The following SENP7 variants were observed in gnomAD, a reference collection of about 807,000 sequenced individuals.
SENP7 encodes the protein SUMO specific peptidase 7, also known as sentrin-specific protease 7.
SENP7 carries 64 observed loss-of-function variants against 141.2 expected under a neutral mutation model. The observed-to-expected ratio is 0.45, with a 90% CI of 0.37 to 0.56. SENP7 has a LOEUF of 0.56. Among genes scored for constraint, SENP7 ranks in the 20% least tolerant of loss-of-function variants. The probability of loss-of-function intolerance (pLI) is 0.00; values close to 1 mark genes in which losing one functional copy is unlikely to be tolerated. For synonymous variants in SENP7, 382 were observed against 426.4 expected (o/e 0.90, Z 1.28); for missense variants, 1,025 against 1,212.2 (o/e 0.85, Z 2.29).
intron 3 of SENP7, among the ~76,000 whole-genome samples, chr3:101,474,134 A>G (rs1309880080): frequency 6.6e-6 from 1 of 152,162 alleles, no homozygotes; most frequent in Admixed American, 6.6e-5. Flanking sequence ...TGATGCCTCC[A>G]GCTTTGTTCT....
intron 19 of SENP7, among the ~76,000 whole-genome samples, chr3:101,331,013 T>G (rs2059033791): frequency 6.6e-6 from 1 of 152,154 alleles, no homozygotes; most frequent in Non-Finnish European, 1.5e-5. Context: ...CTAGCCAAAT[T>G]AATGGAGTCT....
intron 6 of SENP7, among the ~76,000 whole-genome samples, chr3:101,377,259 T>C (rs1436479817): frequency 2.6e-5 from 4 of 152,146 alleles, no homozygotes; most frequent in East Asian, 3.9e-4. Context: ...CAACTCTTCC[T>C]GGACGTGACA....
rs1209967156 is a variant in SENP7 at position 101,446,840 on chromosome 3, A to G, written c.284+12115T>C. Among the ~76,000 whole-genome samples, 5 of 152,198 alleles carry G rather than the reference A, an allele frequency of 3.3e-5. No homozygotes were observed. In the East Asian group the frequency reaches 7.7e-4, roughly 23 times the overall value. ...TTATTTCAAATAAAAAGTGGTTACA[A>G]TGAACCTCAATGGACTAGAAAAGCA... is the stretch of plus-strand genomic sequence containing the variant. On this transcript the variant is annotated intron_variant, in intron 4 of 23. Transcript: ENST00000394095.
In SENP7 at chr3:101,327,269, T is replaced by C. The variant is rs1363309378; in HGVS notation, c.3015+397A>G. ...GCCCCGACCCAAATCTCATCTTGAA[T>C]TGTAGTTCCTATAATCCCCACTGTG... On this transcript the variant is annotated intron_variant, in intron 23 of 23. Coordinates refer to ENST00000394095, the MANE Select transcript of SENP7 (RefSeq NM_020654.5). Among the ~76,000 whole-genome samples the C allele has an allele frequency of 6.6e-5, 10 of 152,084 alleles. No homozygotes were observed. The East Asian group carries it at 1.2e-3, about 18-fold the overall frequency.
chr3:101,490,635 C>T (rs2064928511), intron 3 of SENP7, among the ~76,000 whole-genome samples: 1 of 152,048 alleles, frequency 6.6e-6, no homozygotes, highest in Non-Finnish European at 1.5e-5. Flanking sequence ...ATATGTTACT[C>T]TAGTCAGAGC....
intron 13 of SENP7, among the ~76,000 whole-genome samples, chr3:101,346,771 G>T (rs572938918): frequency 5.3e-5 from 8 of 151,772 alleles, no homozygotes; most frequent in Non-Finnish European, 8.8e-5. Context: ...GGGTAGGAAG[G>T]GGGTGAGGGA....
At chr3:101,415,328 TGA>T (rs1424635819) in intron 5 of SENP7, among the ~76,000 whole-genome samples, 1 of 152,180 alleles carries the variant, frequency 6.6e-6, no homozygotes, top group East Asian at 1.9e-4. Context: ...TGCAAAAACA[TGA>T]GAGGCGAGGA....
intron 6 of SENP7, among the ~76,000 whole-genome samples, chr3:101,390,182 T>C (rs1161569480): frequency 7.4e-6 from 1 of 134,552 alleles, no homozygotes; most frequent in Non-Finnish European, 1.5e-5. Context: ...ATTGTGCCAC[T>C]GCACTCTAGC....
intron 17 of SENP7, among the ~76,000 whole-genome samples, chr3:101,336,711 A>C (rs2059194619): frequency 6.6e-6 from 1 of 152,202 alleles, no homozygotes; most frequent in Non-Finnish European, 1.5e-5. Flanking sequence ...TATCATACAA[A>C]TTGTTAAGTA....
Position 101,464,817 on chromosome 3 carries a change from G to C in SENP7, c.187-5765C>G, listed in dbSNP as rs541304552. Among the ~76,000 whole-genome samples, 3 of 152,140 alleles carry C rather than the reference G, an allele frequency of 2.0e-5. No homozygotes were observed. The East Asian group carries it at 5.8e-4, about 29-fold the overall frequency. ...GAAACCTGATGCCAAAAAGGTTGGG[G>C]ACCGCTGGCCTAAAAAGCAGAAAGG... On this transcript the variant is annotated intron_variant, in intron 3 of 23. Transcript: ENST00000394095.
intron 23 of SENP7, among the ~76,000 whole-genome samples, chr3:101,326,670 A>G (rs1016701680): frequency 6.6e-6 from 1 of 152,196 alleles, no homozygotes; most frequent in Non-Finnish European, 1.5e-5. Flanking sequence ...GAGCTAGAAA[A>G]TAACACCTAT....
rs770304438 is a variant in SENP7, at chr3:101,513,144, T to G, written c.-14A>C. The stretch of plus-strand genomic sequence containing the variant: ...TCTCTTGTCCATCTTCTCCCGCTGC[T>G]GAAATTTCAGTTGCAGGCGCTGTCA... On this transcript the variant is annotated 5_prime_UTR_variant, in exon 1 of 24. Transcript: ENST00000394095. 15 of 1,581,564 alleles carry G rather than the reference T, an allele frequency of 9.5e-6. No individual in the cohort carries two copies. Among genetic ancestry groups the G allele is most frequent in the Admixed American group, 1.8e-5 (1 of 56,674 alleles).
chr3:101,456,929 A>C (rs2063370903), intron 4 of SENP7, among the ~76,000 whole-genome samples: 1 of 151,596 alleles, frequency 6.6e-6, no homozygotes, highest in Non-Finnish European at 1.5e-5. Flanking sequence ...GCCTGGCCTT[A>C]ATGATATAAG....
intron 1 of SENP7, among the ~76,000 whole-genome samples, chr3:101,510,995 C>T (rs180925479): frequency 6.6e-5 from 10 of 152,102 alleles, no homozygotes; most frequent in Admixed American, 3.3e-4. Flanking sequence ...ATTAAATATA[C>T]GCTATTAAGA....
chr3:101,373,793 A>G (rs2060244223), intron 6 of SENP7, among the ~76,000 whole-genome samples: 1 of 152,168 alleles, frequency 6.6e-6, no homozygotes, highest in Admixed American at 6.5e-5. Context: ...TTTTTTGCAG[A>G]ATATGACAAT....
chr3:101,353,698 T>G (rs2059667822), intron 11 of SENP7, among the ~76,000 whole-genome samples: 1 of 152,046 alleles, frequency 6.6e-6, no homozygotes, highest in Non-Finnish European at 1.5e-5. Context: ...CAAAGACTTT[T>G]AAGAAAGACA....
chr3:101,340,871 A>G (rs1348536596), intron 15 of SENP7, among the ~76,000 whole-genome samples: 1 of 152,228 alleles, frequency 6.6e-6, no homozygotes, highest in Non-Finnish European at 1.5e-5. Flanking sequence ...AAGCTTAGAA[A>G]TAAGACCAGT....
intron 4 of SENP7, among the ~76,000 whole-genome samples, chr3:101,433,683 T>C (rs572117977): frequency 1.2e-4 from 18 of 152,258 alleles, no homozygotes; most frequent in African/African-American, 4.3e-4. Flanking sequence ...TGGGTCACTA[T>C]ATAATGATAA....
chr3:101,488,340 T>C (rs2064816176), intron 3 of SENP7, among the ~76,000 whole-genome samples: 1 of 152,244 alleles, frequency 6.6e-6, no homozygotes, highest in Admixed American at 6.5e-5. Context: ...AAGTCCTTTA[T>C]CAGTTCTAGG....
Sources: allele counts gnomAD v4.1 joint callset (sites outside exome capture counted in the v4.1 genomes callset), GRCh38; gene constraint gnomAD v4.1.1; transcripts MANE v1.5; gene names NCBI Gene and HGNC (gene_info 2026-07-23, HGNC 2026-07-21).